Variants in ERBB4 observed in about 807,000 individuals in gnomAD.
ERBB4 encodes erb-b2 receptor tyrosine kinase 4.
In ERBB4, 42 loss-of-function variants were observed where a neutral mutation model predicts 158.0. The ratio of observed to expected loss-of-function variants is 0.27; its 90% CI spans 0.21 to 0.34. The LOEUF (loss-of-function observed/expected upper bound fraction) is 0.34, where lower values mean the gene tolerates loss of function less well. Among genes scored for constraint, ERBB4 ranks in the 10% least tolerant of loss-of-function variants. The probability of loss-of-function intolerance (pLI) is 1.00; values close to 1 mark genes in which losing one functional copy is unlikely to be tolerated. For synonymous variants in ERBB4, 583 were observed against 558.7 expected (o/e 1.04, Z -0.61); for missense variants, 1,333 against 1,624.1 (o/e 0.82, Z 3.08).
intron 20 of ERBB4, among the ~76,000 whole-genome samples, chr2:211,456,572 C>T (rs1389308371): frequency 1.3e-5 from 2 of 152,062 alleles, no homozygotes; most frequent in African/African-American, 2.4e-5. Flanking sequence ...AATATATATA[C>T]ATATATACGT....
At position 212,188,447 on chromosome 2, in the gene ERBB4, G is replaced by A. The variant is rs146915928; in HGVS notation, c.83-63544C>T. Among the ~76,000 whole-genome samples the A allele has an allele frequency of 2.3e-3, 354 of 151,310 alleles. 4 individuals carry two copies. Among genetic ancestry groups the A allele is most frequent in the African/African-American group, 8.3e-3 (344 of 41,270 alleles). Reference sequence around the variant, plus strand: ...TAGACACCTCACCCCTAGGTTTCTCGCTTTCTACCATTCTGTTCTCTCCAC... The same window carrying A: ...TAGACACCTCACCCCTAGGTTTCTCACTTTCTACCATTCTGTTCTCTCCAC... On this transcript the variant is annotated intron_variant, in intron 1 of 27. Coordinates refer to ENST00000342788, the MANE Select transcript of ERBB4 (RefSeq NM_005235.3).
intron 12 of ERBB4, among the ~76,000 whole-genome samples, chr2:211,693,286 T>G (rs2072889200): frequency 6.6e-6 from 1 of 152,146 alleles, no homozygotes; most frequent in Non-Finnish European, 1.5e-5. Flanking sequence ...GTAAATAAAA[T>G]TTGATAGTAC....
chr2:211,601,547 G>A (rs1284055410), intron 19 of ERBB4, among the ~76,000 whole-genome samples: 28 of 151,732 alleles, frequency 1.8e-4, no homozygotes, highest in Admixed American at 1.8e-3. Context: ...TACCAGACAG[G>A]AGAAAAGATC....
intron 3 of ERBB4, among the ~76,000 whole-genome samples, chr2:211,847,699 A>G (rs1032234683): frequency 6.6e-6 from 1 of 152,108 alleles, no homozygotes; most frequent in Non-Finnish European, 1.5e-5. Flanking sequence ...GTATGGCCCA[A>G]GATAATTCTT....
chr2:212,316,759 T>C (rs951309393), intron 1 of ERBB4, among the ~76,000 whole-genome samples: 2 of 151,626 alleles, frequency 1.3e-5, no homozygotes, highest in East Asian at 2.0e-4. Context: ...AACACTTGCT[T>C]GTGATGGTTG....
chr2:212,098,470 T>G (rs895911794), intron 2 of ERBB4, among the ~76,000 whole-genome samples: 1 of 152,176 alleles, frequency 6.6e-6, no homozygotes, highest in Non-Finnish European at 1.5e-5. Flanking sequence ...ATCAATGTTC[T>G]GGAATACAAA....
At chr2:211,410,271 C>T (rs1349358438) in intron 25 of ERBB4, among the ~76,000 whole-genome samples, 1 of 152,056 alleles carries the variant, frequency 6.6e-6, no homozygotes, top group Non-Finnish European at 1.5e-5. Context: ...TCCTCTTTTC[C>T]CGAATTGGAG....
chr2:211,595,828 G>C (rs2068614380), intron 19 of ERBB4, among the ~76,000 whole-genome samples: 1 of 152,182 alleles, frequency 6.6e-6, no homozygotes, highest in South Asian at 2.1e-4. Context: ...GTATACGTGG[G>C]TTCTTCAGGC....
intron 20 of ERBB4, among the ~76,000 whole-genome samples, chr2:211,455,140 A>T (rs2064348709): frequency 1.3e-5 from 2 of 152,226 alleles, no homozygotes; most frequent in East Asian, 3.8e-4. Context: ...AACAGAAATT[A>T]CTCTGTTTTA....
intron 2 of ERBB4, among the ~76,000 whole-genome samples, chr2:212,118,028 G>C (rs747773914): frequency 6.6e-6 from 1 of 152,064 alleles, no homozygotes; most frequent in Non-Finnish European, 1.5e-5. Context: ...ATCATGCTAT[G>C]CAGCAGACAG....
chr2:211,446,544 A>G (rs1416881205), intron 20 of ERBB4, among the ~76,000 whole-genome samples: 1 of 152,202 alleles, frequency 6.6e-6, no homozygotes, highest in Non-Finnish European at 1.5e-5. Context: ...GGACATTAGT[A>G]TGAAGTTTGA....
intron 20 of ERBB4, among the ~76,000 whole-genome samples, chr2:211,491,371 G>C (rs549500336): frequency 6.6e-6 from 1 of 152,004 alleles, no homozygotes; most frequent in Non-Finnish European, 1.5e-5. Flanking sequence ...GCCTCAAGTT[G>C]AGGATTCTTT....
In ERBB4 at chr2:211,623,963, C is replaced by T. The variant is rs758473370; in HGVS notation, c.2161G>A (p.Val721Ile). The change falls in exon 18 of 28, where the codon GTA becomes ATA. Residue 721 changes from valine to isoleucine, a missense_variant. Physicochemically the swap from Val to Ile is conservative, Grantham distance 29 (BLOSUM62 3). Around this residue, in one of 5 missense-constraint regions of ERBB4, gnomAD observed 314 missense variants for 437.6 expected, o/e 0.72. Coordinates refer to ENST00000342788, the MANE Select transcript of ERBB4 (RefSeq NM_005235.3). ...AAAGCACCTGAGCCAAGGACTTTTA[C>T]CCTCTTCAGCTCAGTTTCTTTCAAA... is the stretch of plus-strand genomic sequence containing the variant. ...RILKETELKRVKVLGSGAFGT... is the reference protein window; with the variant it reads ...RILKETELKRIKVLGSGAFGT... 4.3e-6 allele frequency: 7 copies of T among 1,613,990 alleles called. No homozygotes were observed. In the South Asian group the frequency reaches 6.6e-5, roughly 15 times the overall value.
chr2:212,458,141 A>G (rs1332058498), intron 1 of ERBB4, among the ~76,000 whole-genome samples: 1 of 151,648 alleles, frequency 6.6e-6, no homozygotes, highest in African/African-American at 2.4e-5. Flanking sequence ...ATACTTTGCC[A>G]TTTGCTGAGC....
intron 26 of ERBB4, 69 bp downstream of exon 26, chr2:211,387,876 C>G: frequency 1.7e-6 from 2 of 1,194,920 alleles, no homozygotes. Context: ...TATGCAGAGA[C>G]GAGAGAGGAA....
At chr2:212,522,752 C>T (rs1038282508) in intron 1 of ERBB4, among the ~76,000 whole-genome samples, 1 of 151,962 alleles carries the variant, frequency 6.6e-6, no homozygotes, top group Non-Finnish European at 1.5e-5. Flanking sequence ...GTTAGAATAT[C>T]GCCTCTGTTG....
At chr2:211,897,995 T>C (rs1462409876) in intron 3 of ERBB4, among the ~76,000 whole-genome samples, 1 of 151,904 alleles carries the variant, frequency 6.6e-6, no homozygotes, top group African/African-American at 2.4e-5. Flanking sequence ...AACTCCTGAG[T>C]TCAAGGGATC....
At chr2:211,820,191 A>G (rs184188377) in intron 3 of ERBB4, among the ~76,000 whole-genome samples, 1 of 152,094 alleles carries the variant, frequency 6.6e-6, no homozygotes, top group African/African-American at 2.4e-5. Flanking sequence ...TGGAATATCT[A>G]ATGAAAAAGA....
At chr2:212,407,262 A>G (rs1186972770) in intron 1 of ERBB4, among the ~76,000 whole-genome samples, 1 of 152,010 alleles carries the variant, frequency 6.6e-6, no homozygotes, top group African/African-American at 2.4e-5. Context: ...TTTAATAAGC[A>G]ATACTATAGA....
Sources: gnomAD v4.1 joint callset for allele counts (sites outside exome capture counted in the v4.1 genomes callset) on GRCh38, gnomAD v4.1.1 for gene constraint, gnomAD v4.1.1 regional missense constraint, MANE v1.5 for transcripts, NCBI Gene and HGNC (gene_info 2026-07-23, HGNC 2026-07-21) for gene names.